The following SETBP1 variants were observed in gnomAD, a reference collection of about 807,000 sequenced individuals.
SETBP1 encodes SET-binding protein.
A neutral mutation model predicts 101.0 loss-of-function variants in SETBP1; 9 were observed. The observed-to-expected ratio is 0.09, with a 90% confidence interval of 0.05 to 0.16. The LOEUF (loss-of-function observed/expected upper bound fraction) is 0.16. Among genes scored for constraint, SETBP1 ranks in the 10% least tolerant of loss-of-function variants. The pLI is 1.00. For missense variants in SETBP1, 1,858 were observed against 2,033.8 expected (o/e 0.91, Z 1.66); for synonymous variants, 818 against 788.5 (o/e 1.04, Z -0.63).
At chr18:44,929,716 T>C (rs1207028715) in intron 3 of SETBP1, among the ~76,000 whole-genome samples, 1 of 152,238 alleles carries the variant, frequency 6.6e-6, no homozygotes, top group East Asian at 1.9e-4. Context: ...GGGAGTTCAC[T>C]CATGATTTGG....
chr18:44,873,814 A>G (rs2069334595), intron 3 of SETBP1, among the ~76,000 whole-genome samples: 1 of 152,242 alleles, frequency 6.6e-6, no homozygotes, highest in Non-Finnish European at 1.5e-5. Flanking sequence ...TGAAGTTTTC[A>G]TACTTACACA....
intron 1 of SETBP1, among the ~76,000 whole-genome samples, chr18:44,690,449 G>T (rs138313622): frequency 6.5e-4 from 99 of 152,354 alleles, no homozygotes; most frequent in African/African-American, 2.4e-3. Flanking sequence ...AACTGAACAG[G>T]TAGTGAGGTG....
chr18:44,760,802 A>T (rs1332442319), intron 2 of SETBP1, among the ~76,000 whole-genome samples: 2 of 152,226 alleles, frequency 1.3e-5, no homozygotes, highest in African/African-American at 4.8e-5. Context: ...ATATTTAAAT[A>T]GCATCGAATG....
intron 2 of SETBP1, among the ~76,000 whole-genome samples, chr18:44,799,780 GGGAA>G (rs2071563443): frequency 6.6e-6 from 1 of 152,252 alleles, no homozygotes; most frequent in East Asian, 1.9e-4. Context: ...GGAGGAAGCT[GGGAA>G]AACAATACTT....
intron 2 of SETBP1, among the ~76,000 whole-genome samples, chr18:44,801,626 A>T (rs888229649): frequency 1.3e-5 from 2 of 152,170 alleles, no homozygotes; most frequent in Non-Finnish European, 2.9e-5. Context: ...GTTTCTCAAC[A>T]TTGGGACCAT....
At chr18:44,750,756 C>A (rs1278813336) in intron 2 of SETBP1, among the ~76,000 whole-genome samples, 1 of 152,216 alleles carries the variant, frequency 6.6e-6, no homozygotes, top group Non-Finnish European at 1.5e-5. Flanking sequence ...GAAGGGAAGA[C>A]ATGACCCCTG....
intron 4 of SETBP1, among the ~76,000 whole-genome samples, chr18:45,025,986 A>G (rs1249483580): frequency 1.3e-5 from 2 of 152,238 alleles, no homozygotes; most frequent in Admixed American, 1.3e-4. Flanking sequence ...CTTCTAAATA[A>G]GCAGTAATCA....
chr18:45,037,772 C>T (rs1432138812), intron 4 of SETBP1, among the ~76,000 whole-genome samples: 3 of 152,070 alleles, frequency 2.0e-5, no homozygotes, highest in Non-Finnish European at 4.4e-5. Flanking sequence ...TATGACCAGA[C>T]ACTCAAAGGC....
intron 1 of SETBP1, among the ~76,000 whole-genome samples, chr18:44,690,933 G>A (rs1479555158): frequency 6.6e-6 from 1 of 152,088 alleles, no homozygotes; most frequent in Non-Finnish European, 1.5e-5. Flanking sequence ...TTTTGGTATT[G>A]TGCTACACAT....
intron 3 of SETBP1, among the ~76,000 whole-genome samples, chr18:44,910,100 C>T (rs1273265460): frequency 1.3e-5 from 2 of 152,164 alleles, no homozygotes; most frequent in South Asian, 2.1e-4. Context: ...AACTGCCCGC[C>T]GTCTGGGTTA....
At chr18:44,693,281 C>G (rs988137480) in intron 1 of SETBP1, among the ~76,000 whole-genome samples, 9 of 152,176 alleles carry the variant, frequency 5.9e-5, no homozygotes, top group African/African-American at 2.2e-4. Context: ...AGAAACTGTG[C>G]CAAGCCCTGG....
At chr18:44,778,759 T>A (rs2071060152) in intron 2 of SETBP1, among the ~76,000 whole-genome samples, 1 of 152,196 alleles carries the variant, frequency 6.6e-6, no homozygotes, top group Admixed American at 6.5e-5. Context: ...GCGGAAGGCT[T>A]CCATGGAGTG....
In SETBP1 at chr18:44,701,545, C is replaced by A. The variant is rs955034546; in HGVS notation, c.199C>A (p.Arg67=). ...PEEEDELGSG[R]DVDSNSNADS... is the part of the protein sequence containing the mutation. ...GGAGGAGGATGAACTAGGCTCAGGGCGGGATGTGGATTCCAACTCCAACGC... is the reference window on the plus strand; with the variant it reads ...GGAGGAGGATGAACTAGGCTCAGGGAGGGATGTGGATTCCAACTCCAACGC... The change falls in exon 2 of 6, where the codon CGG becomes AGG. Residue 67 remains arginine, a synonymous_variant. Coordinates refer to ENST00000649279, the MANE Select transcript of SETBP1 (RefSeq NM_015559.3). The A allele has an allele frequency of 1.2e-6, 2 of 1,613,910 alleles. No individual in the cohort carries two copies. The highest frequency in any genetic ancestry group is 1.3e-5 in the African/African-American group (1 of 74,874).
intron 2 of SETBP1, among the ~76,000 whole-genome samples, chr18:44,824,903 CAA>C (rs1370342176): frequency 6.6e-6 from 1 of 152,196 alleles, no homozygotes; most frequent in Non-Finnish European, 1.5e-5. Context: ...GATAAAGGAG[CAA>C]AGTCTTGGTC....
intron 2 of SETBP1, among the ~76,000 whole-genome samples, chr18:44,702,732 C>A (rs1420007886): frequency 6.6e-6 from 1 of 152,070 alleles, no homozygotes; most frequent in Non-Finnish European, 1.5e-5. Flanking sequence ...CTAAGGAAAC[C>A]CAGTCTTTGT....
At chr18:44,904,453 T>C (rs1230086783) in intron 3 of SETBP1, among the ~76,000 whole-genome samples, 1 of 152,164 alleles carries the variant, frequency 6.6e-6, no homozygotes, top group African/African-American at 2.4e-5. Flanking sequence ...CTCTTTATAG[T>C]GTTTTTCTCA....
intron 2 of SETBP1, among the ~76,000 whole-genome samples, chr18:44,793,845 T>C (rs1375533640): frequency 6.6e-6 from 1 of 152,200 alleles, no homozygotes; most frequent in Non-Finnish European, 1.5e-5. Context: ...CAGTCTCTCT[T>C]TCTCTCTCTT....
chr18:44,901,228 C>T (rs907788297), intron 3 of SETBP1, among the ~76,000 whole-genome samples: 14 of 152,144 alleles, frequency 9.2e-5, no homozygotes, highest in Non-Finnish European at 7.4e-5. Context: ...AATCTCTAGT[C>T]CTGCAGTGGT....
At chr18:44,807,296 C>T (rs867505128) in intron 2 of SETBP1, among the ~76,000 whole-genome samples, 6 of 151,934 alleles carry the variant, frequency 3.9e-5, no homozygotes, top group Non-Finnish European at 8.8e-5. Context: ...TTTCATTTTT[C>T]CATCTTAAGA....
Sources: gnomAD v4.1 joint callset for allele counts (sites outside exome capture counted in the v4.1 genomes callset) on GRCh38, gnomAD v4.1.1 for gene constraint, MANE v1.5 for transcripts, NCBI Gene and HGNC (gene_info 2026-07-23, HGNC 2026-07-21) for gene names.